FAT3: variants seen among roughly 807,000 people sequenced by gnomAD.
FAT3 encodes FAT atypical cadherin 3, also known as protocadherin Fat 3.
In FAT3, 95 loss-of-function variants were observed where a neutral mutation model predicts 310.2. That is an observed-to-expected ratio of 0.31 (90% CI 0.26 to 0.36). The LOEUF (loss-of-function observed/expected upper bound fraction) is 0.36. Ranked by LOEUF, FAT3 falls within the 10% of genes least tolerant of loss-of-function variation. The pLI is 1.00. For missense variants in FAT3, 5,408 were observed against 5,715.6 expected, an observed-to-expected ratio of 0.95 and a Z score of 1.74; for synonymous variants, 2,314 against 2,192.9, an observed-to-expected ratio of 1.06 and a Z score of -1.54.
chr11:92,618,595 G>A (rs1021572280), intron 3 of FAT3, among the ~76,000 whole-genome samples: 5 of 152,236 alleles, frequency 3.3e-5, no homozygotes, highest in East Asian at 1.9e-4. Context: ...GTTCCTATTC[G>A]GCCATCTTGG....
intron 3 of FAT3, among the ~76,000 whole-genome samples, chr11:92,670,210 G>A (rs939904686): frequency 1.3e-5 from 2 of 152,196 alleles, no homozygotes; most frequent in African/African-American, 4.8e-5. Flanking sequence ...TTGAAGCACA[G>A]GCAGCCTCTT....
intron 16 of FAT3, 63 bp downstream of exon 16, chr11:92,836,766 A>C: frequency 1.0e-5 from 16 of 1,571,936 alleles, no homozygotes; most frequent in Non-Finnish European, 1.3e-5. Context: ...AATCAGGGGC[A>C]CAAGCTCCAC....
intron 2 of FAT3, chr11:92,366,786 G>T (rs17512739): frequency 0.13 from 67,516 of 530,992 alleles, 4,741 homozygotes; most frequent in South Asian, 0.18. Context: ...GTGTCCTTCA[G>T]ATGCTCACAG....
intron 13 of FAT3, among the ~76,000 whole-genome samples, chr11:92,823,091 C>G (rs1948012952): frequency 6.6e-6 from 1 of 152,176 alleles, no homozygotes; most frequent in African/African-American, 2.4e-5. Flanking sequence ...CGTTTGAGAG[C>G]ACATAAGTGG....
At chr11:92,392,428 T>G (rs1449638693) in intron 2 of FAT3, among the ~76,000 whole-genome samples, 2 of 152,170 alleles carry the variant, frequency 1.3e-5, no homozygotes, top group African/African-American at 4.8e-5. Flanking sequence ...TCTGTCTCAC[T>G]CTAAAGCTGC....
At chr11:92,781,811 T>G (rs1049333860) in intron 7 of FAT3, among the ~76,000 whole-genome samples, 1 of 134,952 alleles carries the variant, frequency 7.4e-6, no homozygotes, top group African/African-American at 2.7e-5. Flanking sequence ...TGTGATATGC[T>G]AGACACATAC....
At chr11:92,340,299 G>T (rs1948213984) in intron 1 of FAT3, among the ~76,000 whole-genome samples, 1 of 152,034 alleles carries the variant, frequency 6.6e-6, no homozygotes, top group Non-Finnish European at 1.5e-5. Context: ...CTATGGAGGG[G>T]ATGAGAGTGG....
intron 2 of FAT3, among the ~76,000 whole-genome samples, chr11:92,438,755 G>A (rs1951003495): frequency 6.6e-6 from 1 of 152,182 alleles, no homozygotes; most frequent in African/African-American, 2.4e-5. Context: ...AGAAGACCAT[G>A]TTGTCTAATG....
intron 2 of FAT3, among the ~76,000 whole-genome samples, chr11:92,470,858 T>TA (rs1044340003): frequency 6.6e-6 from 1 of 152,154 alleles, no homozygotes; most frequent in Non-Finnish European, 1.5e-5. Flanking sequence ...ATGACGACTT[T>TA]AAAAAAATTA....
At chr11:92,267,279 T>G (rs1304433211) in intron 1 of FAT3, among the ~76,000 whole-genome samples, 2 of 152,214 alleles carry the variant, frequency 1.3e-5, no homozygotes, top group Non-Finnish European at 2.9e-5. Context: ...TTGAGATTGC[T>G]AATTTTGGGC....
At chr11:92,360,417 A>G (rs1395232724) in intron 2 of FAT3, among the ~76,000 whole-genome samples, 2 of 152,254 alleles carry the variant, frequency 1.3e-5, no homozygotes, top group Non-Finnish European at 2.9e-5. Flanking sequence ...TTTGATCACA[A>G]TTTAAATCAC....
rs752624812 is a variant in FAT3 at position 92,799,123 on chromosome 11, C to T, written c.6110C>T (p.Thr2037Met). Residue 2037 changes from threonine (T) to methionine (M), a missense_variant, in exon 10 of 28, where the codon ACG becomes ATG. Coordinates refer to ENST00000525166, the MANE Select transcript of FAT3 (RefSeq NM_001367949.2). The stretch of plus-strand genomic sequence containing the variant: ...AAATCTACCTCAGGGGTCATTCAGA[C>T]GACTGGAGTCCCCTTTGACCGTGAA... ...KIKSTSGVIQ[T>M]TGVPFDREEQ... 1.7e-5 allele frequency: 28 copies of T among 1,613,802 alleles called. No homozygotes were observed. The highest frequency in any genetic ancestry group is 6.7e-5 in the Admixed American group (4 of 60,002).
intron 3 of FAT3, among the ~76,000 whole-genome samples, chr11:92,630,172 G>T (rs1279965166): frequency 1.3e-5 from 2 of 152,144 alleles, no homozygotes; most frequent in Non-Finnish European, 2.9e-5. Flanking sequence ...TGTGTTCACT[G>T]TAGAACACTA....
chr11:92,867,437 GT>G (rs1949278456), intron 22 of FAT3, among the ~76,000 whole-genome samples: 1 of 152,174 alleles, frequency 6.6e-6, no homozygotes, highest in African/African-American at 2.4e-5. Flanking sequence ...GTGCAGTGCA[GT>G]GGCACAGGGG....
At chr11:92,708,559 T>C (rs1012386120) in intron 4 of FAT3, among the ~76,000 whole-genome samples, 1 of 152,264 alleles carries the variant, frequency 6.6e-6, no homozygotes, top group East Asian at 1.9e-4. Context: ...GTGTTTAATA[T>C]GTTAGCTATT....
At chr11:92,885,685 A>C (rs559012791) in intron 24 of FAT3, among the ~76,000 whole-genome samples, 4 of 152,320 alleles carry the variant, frequency 2.6e-5, no homozygotes, top group African/African-American at 9.6e-5. Context: ...GCAATAAAAA[A>C]GGGGGGAGTT....
intron 3 of FAT3, among the ~76,000 whole-genome samples, chr11:92,561,598 T>G (rs974815552): frequency 6.6e-6 from 1 of 151,950 alleles, no homozygotes; most frequent in South Asian, 2.1e-4. Flanking sequence ...ATTCTTTTAT[T>G]ATCTATTTAT....
chr11:92,427,389 G>C (rs892304217), intron 2 of FAT3, among the ~76,000 whole-genome samples: 1 of 152,154 alleles, frequency 6.6e-6, no homozygotes, highest in Non-Finnish European at 1.5e-5. Context: ...GCCCTGGCCA[G>C]AACTTCCAAT....
intron 4 of FAT3, among the ~76,000 whole-genome samples, chr11:92,744,676 C>T (rs1408758817): frequency 6.6e-6 from 1 of 151,710 alleles, no homozygotes; most frequent in Non-Finnish European, 1.5e-5. Context: ...GACTGGTGGG[C>T]CAGTTTTTTT....
Sources: allele counts gnomAD v4.1 joint callset (sites outside exome capture counted in the v4.1 genomes callset), GRCh38; gene constraint gnomAD v4.1.1; transcripts MANE v1.5; gene names NCBI Gene and HGNC (gene_info 2026-07-23, HGNC 2026-07-21).